TBC1D19: variants seen among roughly 807,000 people sequenced by gnomAD.
TBC1D19 encodes the protein TBC1 domain family, member 19.
In TBC1D19, 60 loss-of-function variants were observed where a neutral mutation model predicts 89.0. The observed-to-expected ratio is 0.67, with a 90% CI of 0.55 to 0.84. The LOEUF (loss-of-function observed/expected upper bound fraction) is 0.84, where lower values mean the gene tolerates loss of function less well. Among genes scored for constraint, TBC1D19 ranks in the 40% least tolerant of loss-of-function variants. The probability of loss-of-function intolerance (pLI) is 0.00; values close to 1 mark genes in which losing one functional copy is unlikely to be tolerated. For missense variants in TBC1D19, 500 were observed against 610.8 expected (o/e 0.82, Z 1.91); for synonymous variants, 189 against 199.7 (o/e 0.95, Z 0.45).
chr4:26,686,128 T>A (rs554900642), intron 12 of TBC1D19, among the ~76,000 whole-genome samples: 111 of 150,500 alleles, frequency 7.4e-4, no homozygotes, highest in African/African-American at 2.6e-3. Context: ...AATGATCATT[T>A]AAAAAAAAAA....
upstream of TBC1D19, among the ~76,000 whole-genome samples, chr4:26,581,619 C>T (rs957421710): frequency 5.9e-5 from 9 of 152,282 alleles, 1 homozygote; most frequent in South Asian, 1.2e-3. Context: ...GGCCAAATTC[C>T]GCCTTGTGGG....
At chr4:26,699,013 G>A (rs1406198387) in intron 13 of TBC1D19, among the ~76,000 whole-genome samples, 1 of 152,212 alleles carries the variant, frequency 6.6e-6, no homozygotes, top group Non-Finnish European at 1.5e-5. Flanking sequence ...ATTGACAAAT[G>A]TTATCTAATT....
chr4:26,598,540 G>T (rs1170964952), intron 1 of TBC1D19, among the ~76,000 whole-genome samples: 1 of 152,084 alleles, frequency 6.6e-6, no homozygotes, highest in African/African-American at 2.4e-5. Context: ...GACTACAGGC[G>T]CCCGCCACCA....
chr4:26,845,969 C>A, the TBC1D19 span, among the ~76,000 whole-genome samples: 1 of 152,144 alleles, frequency 6.6e-6, no homozygotes, highest in Non-Finnish European at 1.5e-5. Flanking sequence ...GGGGACACAG[C>A]CAAACCATAT....
chr4:26,755,649 C>T lies in TBC1D19; in HGVS notation c.*702C>T, dbSNP rs531509189. Among the ~76,000 whole-genome samples, 6 of 152,294 alleles carry T rather than the reference C, an allele frequency of 3.9e-5. No individual in the cohort carries two copies. Among genetic ancestry groups the T allele is most frequent in the Non-Finnish European group, 7.4e-5 (5 of 68,018 alleles). The stretch of plus-strand genomic sequence containing the variant: ...CTTTTCACTTCTCAACCTTCCTTCT[C>T]TTGCTTAGAAGACTTGACATTGCCG... On this transcript the variant is annotated 3_prime_UTR_variant, in exon 21 of 21. Coordinates refer to ENST00000264866, the MANE Select transcript of TBC1D19 (RefSeq NM_018317.4).
chr4:26,828,974 A>G, the TBC1D19 span, among the ~76,000 whole-genome samples: 1 of 152,220 alleles, frequency 6.6e-6, no homozygotes, highest in African/African-American at 2.4e-5. Context: ...TTTAGTTTAT[A>G]TTCCTTAGTC....
intron 7 of TBC1D19, among the ~76,000 whole-genome samples, chr4:26,649,958 C>T (rs1047878532): frequency 2.1e-4 from 8 of 38,368 alleles, no homozygotes; most frequent in Admixed American, 1.1e-3. Context: ...TGAGAACATG[C>T]GGTGTTTGGT....
At chr4:26,638,005 G>A (rs116647373) in intron 5 of TBC1D19, among the ~76,000 whole-genome samples, 1,918 of 152,154 alleles carry the variant, frequency 0.013, 34 homozygotes, top group African/African-American at 0.043. Context: ...ACCATCTTTC[G>A]GTATTAACGT....
the TBC1D19 span, among the ~76,000 whole-genome samples, chr4:26,772,142 T>G: frequency 7.6e-6 from 1 of 131,480 alleles, no homozygotes; most frequent in Non-Finnish European, 1.7e-5. Flanking sequence ...TTTTTTTTTT[T>G]TGAGTAATTA....
chr4:26,604,903 AAT>A (rs1740883065), intron 1 of TBC1D19, among the ~76,000 whole-genome samples: 2 of 151,788 alleles, frequency 1.3e-5, no homozygotes, highest in South Asian at 2.1e-4. Flanking sequence ...TAATAATAAT[AAT>A]AAAAATGCTA....
chr4:26,620,423 T>C (rs1741969430), intron 3 of TBC1D19, among the ~76,000 whole-genome samples, 190 bp from the exon 4 acceptor site: 1 of 152,204 alleles, frequency 6.6e-6, no homozygotes, highest in Non-Finnish European at 1.5e-5. Flanking sequence ...ATCACCACCT[T>C]ATACTTAGTA....
At chr4:26,745,674 T>A (rs1718611736) in intron 18 of TBC1D19, among the ~76,000 whole-genome samples, 1 of 146,922 alleles carries the variant, frequency 6.8e-6, no homozygotes, top group South Asian at 2.2e-4. Context: ...GCGCAGCTAA[T>A]TTTTTTTTTG....
the TBC1D19 span, among the ~76,000 whole-genome samples, chr4:26,780,041 G>C: frequency 6.6e-6 from 1 of 152,164 alleles, no homozygotes; most frequent in African/African-American, 2.4e-5. Context: ...GCCTTAGCTG[G>C]CCATTTCTGA....
At chr4:26,687,949 C>T (rs1713957114) in intron 12 of TBC1D19, among the ~76,000 whole-genome samples, 1 of 152,050 alleles carries the variant, frequency 6.6e-6, no homozygotes, top group Admixed American at 6.6e-5. Flanking sequence ...GATATTTGGT[C>T]TTTTGTGGGA....
chr4:26,584,870 G>A lies in TBC1D19; in HGVS notation c.99+578G>A, dbSNP rs1209489681. 1.5e-4 allele frequency: 26 copies of A among 176,322 alleles called. No individual in the cohort carries two copies. The Admixed American group carries it at 1.5e-3, about 10-fold the overall frequency. 10.9% of individuals were successfully genotyped at this position (176,322 alleles called of 1,614,324 possible). A position where few individuals can be genotyped will look rare whatever the true frequency, so the allele number is the denominator to read the frequency against. On this transcript the variant is annotated intron_variant, in intron 1 of 20. Transcript: ENST00000264866. Reference sequence around the variant, plus strand: ...GATTGATTGAGATCCTTGCCTTTTTGTGACTCATATAAATGAAATCATACA... The same window carrying A: ...GATTGATTGAGATCCTTGCCTTTTTATGACTCATATAAATGAAATCATACA...
intron 13 of TBC1D19, among the ~76,000 whole-genome samples, chr4:26,703,988 A>G (rs1715542210): frequency 6.6e-6 from 1 of 151,634 alleles, no homozygotes; most frequent in South Asian, 2.1e-4. Flanking sequence ...AAAAAAGAAA[A>G]TCTGGGCCTA....
chr4:26,837,141 G>T, the TBC1D19 span, among the ~76,000 whole-genome samples: 1 of 152,178 alleles, frequency 6.6e-6, no homozygotes, highest in Non-Finnish European at 1.5e-5. Flanking sequence ...CATAGTGAAT[G>T]AATAGGAGAG....
At position 26,591,231 on chromosome 4, in the gene TBC1D19, AT is replaced by A. The variant is rs1033048933; in HGVS notation, c.99+6948del. On this transcript the variant is annotated intron_variant, in intron 1 of 20. Coordinates refer to ENST00000264866, the MANE Select transcript of TBC1D19 (RefSeq NM_018317.4). ...CTGTCTTTTTGTGGCTTGATAGCTG[AT>A]TTTTTTTTCTGTTTAGTAATATTTT... Among the ~76,000 whole-genome samples, 111 of 150,380 alleles carry A rather than the reference AT, an allele frequency of 7.4e-4. 1 individual carries two copies. Among genetic ancestry groups the A allele is most frequent in the African/African-American group, 2.6e-3 (105 of 40,952 alleles).
the TBC1D19 span, among the ~76,000 whole-genome samples, chr4:26,851,876 C>T: frequency 2.6e-4 from 40 of 152,182 alleles, no homozygotes; most frequent in African/African-American, 9.4e-4. Flanking sequence ...CCACCACGCT[C>T]AGCTATCAAG....
Sources: gnomAD v4.1 joint callset for allele counts (sites outside exome capture counted in the v4.1 genomes callset) on GRCh38, gnomAD v4.1.1 for gene constraint, MANE v1.5 for transcripts, NCBI Gene and HGNC (gene_info 2026-07-23, HGNC 2026-07-21) for gene names.